The following CASP10 variants were observed in gnomAD, a reference collection of about 807,000 sequenced individuals.
CASP10 encodes the protein caspase-10.
Under a neutral mutation model 48.5 loss-of-function variants are expected in CASP10, and 41 were observed. That is an observed-to-expected ratio of 0.85 (90% CI 0.66 to 1.10). The LOEUF (loss-of-function observed/expected upper bound fraction) is 1.10. CASP10 is among the 50% of genes least tolerant of loss of function. The pLI, the probability that CASP10 is intolerant of heterozygous loss-of-function variation, is 0.00. For synonymous variants in CASP10, 232 were observed against 238.4 expected, an observed-to-expected ratio of 0.97 and a Z score of 0.25; for missense variants, 614 against 614.5, an observed-to-expected ratio of 1.00 and a Z score of 0.01.
At chr2:201,227,697 C>T (rs1328879709) in intron 9 of CASP10, among the ~76,000 whole-genome samples, 1 of 151,826 alleles carries the variant, frequency 6.6e-6, no homozygotes, top group Admixed American at 6.6e-5. Context: ...GCTGGGACTA[C>T]AGGTGCCTGC....
Position 201,220,231 on chromosome 2 carries a change from T to A in CASP10, c.*2490T>A. On this transcript the variant is annotated 3_prime_UTR_variant, in exon 10 of 10. Coordinates refer to ENST00000286186, the MANE Select transcript of CASP10 (RefSeq NM_032977.4). The stretch of plus-strand genomic sequence containing the variant: ...TTAAGTTCCAGTTCCCTTTCTAGCC[T>A]CATGCATTTCAAGGAAATCACTTCT... 1.3e-6 allele frequency: 1 copy of A among 770,688 alleles called. No homozygotes were observed. Among genetic ancestry groups the A allele is most frequent in the Non-Finnish European group, 1.6e-6 (1 of 634,242 alleles). The allele number at this position is 770,688 out of a possible 1,614,324, so 47.7% of individuals were successfully genotyped here. A position where few individuals can be genotyped will look rare whatever the true frequency, so the allele number is the denominator to read the frequency against.
chr2:201,211,298 A>G (rs1238236342), intron 9 of CASP10, among the ~76,000 whole-genome samples: 1 of 152,206 alleles, frequency 6.6e-6, no homozygotes, highest in Non-Finnish European at 1.5e-5. Flanking sequence ...ACTGTTAACC[A>G]TAGTCACCCC....
chr2:201,198,225 C>CTT (rs775115555), intron 5 of CASP10, among the ~76,000 whole-genome samples: 19 of 138,760 alleles, frequency 1.4e-4, no homozygotes, highest in Admixed American at 3.6e-4. Flanking sequence ...ATTTTTAATT[C>CTT]TTTTTTTTTT....
At chr2:201,216,828 G>T (rs996297434) in intron 9 of CASP10, among the ~76,000 whole-genome samples, 4 of 152,122 alleles carry the variant, frequency 2.6e-5, no homozygotes, top group African/African-American at 9.7e-5. Context: ...AATTGAATGT[G>T]TTTTCAGAAC....
rs774194383 is a variant in CASP10 at position 201,218,202 on chromosome 2, C to T, written c.*461C>T. On this transcript the variant is annotated 3_prime_UTR_variant, in exon 10 of 10. Coordinates refer to ENST00000286186, the MANE Select transcript of CASP10 (RefSeq NM_032977.4). ...CCCCAAAATACTGGGATTATAGGCA[C>T]GAGCCACCACACCTGGCCAGAAAAC... 39 of 1,016,050 alleles carry T rather than the reference C, an allele frequency of 3.8e-5. No individual in the cohort carries two copies. Among genetic ancestry groups the T allele is most frequent in the Non-Finnish European group, 4.2e-5 (36 of 848,396 alleles). The allele number at this position is 1,016,050 out of a possible 1,614,324, so 62.9% of individuals were successfully genotyped here.
rs1945664140 is a variant in CASP10 at position 201,219,372 on chromosome 2, C to T, written c.*1631C>T. 1 of 892,832 alleles carries T rather than the reference C, an allele frequency of 1.1e-6. No individual in the cohort carries two copies. Among genetic ancestry groups the T allele is most frequent in the African/African-American group, 1.8e-5 (1 of 55,412 alleles). 55.3% of individuals were successfully genotyped at this position (892,832 alleles called of 1,614,324 possible). ...AGAAGGGAATTTATTGCCTCTTTCA[C>T]ATTGAAACCCAGGAGTGGATAACAC... On this transcript the variant is annotated 3_prime_UTR_variant, in exon 10 of 10. Coordinates refer to ENST00000286186, the MANE Select transcript of CASP10 (RefSeq NM_032977.4).
chr2:201,186,149 T>C, intron 2 of CASP10, 25 bp downstream of exon 2: 5 of 1,539,982 alleles, frequency 3.2e-6, no homozygotes, highest in Non-Finnish European at 4.5e-6. Context: ...GTGGTGGAGA[T>C]GGGAGGATCT....
chr2:201,200,129 C>T (rs1374619854), intron 5 of CASP10, among the ~76,000 whole-genome samples: 1 of 152,118 alleles, frequency 6.6e-6, no homozygotes, highest in Non-Finnish European at 1.5e-5. Context: ...CCCCCCTATT[C>T]GTGATGCTAA....
At chr2:201,224,214 G>A (rs971885479), downstream of CASP10, among the ~76,000 whole-genome samples, 4 of 151,646 alleles carry the variant, frequency 2.6e-5, no homozygotes, top group African/African-American at 7.3e-5. Context: ...CTCGTGATCC[G>A]CCCGCCTTGG....
intron 3 of CASP10, among the ~76,000 whole-genome samples, chr2:201,191,898 A>C (rs1328616657): frequency 2.0e-5 from 3 of 152,218 alleles, no homozygotes; most frequent in African/African-American, 4.8e-5. Context: ...ACAAAAAAGC[A>C]AAAAAAGAAC....
downstream of CASP10, among the ~76,000 whole-genome samples, chr2:201,221,996 T>A (rs1372448081): frequency 6.6e-6 from 1 of 152,180 alleles, no homozygotes; most frequent in Non-Finnish European, 1.5e-5. Context: ...AACATTATGC[T>A]TGTCTGTATT....
chr2:201,187,608 C>T, intron 2 of CASP10, 98 bp from the exon 3 acceptor site: 1 of 896,722 alleles, frequency 1.1e-6, no homozygotes. Flanking sequence ...TAGAGTTGAT[C>T]ATTCAAATGA....
intron 9 of CASP10, chr2:201,213,022 GGTA>G (rs1945450233): frequency 6.6e-6 from 1 of 152,082 alleles, no homozygotes; most frequent in Non-Finnish European, 1.5e-5. Flanking sequence ...GGTTGATAAA[GGTA>G]ATAATAATTG....
rs778773099 is a variant in CASP10, at chr2:201,195,874, G to A, written c.610G>A (p.Glu204Lys). Residue 204 changes from glutamate to lysine, a missense_variant, in exon 5 of 10, where the codon GAA becomes AAA. Transcript: ENST00000286186. ...IQIVTPPVDK[E>K]AESYQGEEEL... ...GATAGTGACACCTCCTGTAGACAAG[G>A]AAGCCGAGTCGTATCAAGGAGAGGA... The A allele has an allele frequency of 1.2e-6, 2 of 1,613,886 alleles. No homozygotes were observed. The highest frequency in any genetic ancestry group is 2.2e-5 in the South Asian group (2 of 91,062).
chr2:201,223,275 A>G (rs1021359842), downstream of CASP10, among the ~76,000 whole-genome samples: 1 of 151,974 alleles, frequency 6.6e-6, no homozygotes, highest in Non-Finnish European at 1.5e-5. Flanking sequence ...CTTCACTCCA[A>G]CCTCTCATTC....
chr2:201,225,335 C>T (rs1392891549), downstream of CASP10, among the ~76,000 whole-genome samples: 6 of 152,190 alleles, frequency 3.9e-5, no homozygotes, highest in Non-Finnish European at 7.3e-5. Context: ...CCTATAAATC[C>T]TTGTCCTCCA....
chr2:201,199,663 C>T (rs1944942489), intron 5 of CASP10, among the ~76,000 whole-genome samples: 1 of 150,672 alleles, frequency 6.6e-6, no homozygotes. Context: ...TAACCTCCAC[C>T]TCCCAGGTTA....
chr2:201,194,087 TTGTGTGTGTGTGTGTGTGTG>T (rs139975621), intron 4 of CASP10, among the ~76,000 whole-genome samples: 1 of 148,364 alleles, frequency 6.7e-6, no homozygotes, highest in Non-Finnish European at 1.5e-5. Context: ...CTTTATTTTC[TTGTGTGTGTGTGTGTGTGTG>T]TGTGTGTGTG....
chr2:201,208,162 C>T lies in CASP10; in HGVS notation c.901C>T (p.Gln301Ter). 1 of 1,613,716 alleles carries T rather than the reference C, an allele frequency of 6.2e-7. No homozygotes were observed. The highest frequency in any genetic ancestry group is 8.5e-7 in the Non-Finnish European group (1 of 1,179,792). ...NHSFTSLKDR[Q>*]GTHKDAEILS... ...CAGCTTTACCTCCCTGAAGGACAGA[C>T]AAGGAACCCATAAAGATGCTGGTAA... Residue 301 changes from glutamine to a stop codon, truncating the protein, a stop_gained, in exon 8 of 10, where the codon CAA becomes TAA. Coordinates refer to ENST00000286186, the MANE Select transcript of CASP10 (RefSeq NM_032977.4). LOFTEE classifies it high-confidence loss of function.
Sources: allele counts gnomAD v4.1 joint callset (sites outside exome capture counted in the v4.1 genomes callset), GRCh38; gene constraint gnomAD v4.1.1; transcripts MANE v1.5; gene names NCBI Gene and HGNC (gene_info 2026-07-23, HGNC 2026-07-21).